ZNF814: variants seen among roughly 807,000 people sequenced by gnomAD.
ZNF814 encodes zinc finger protein 814.
Under a neutral mutation model 7.5 loss-of-function variants are expected in ZNF814, and 5 were observed. The ratio of observed to expected loss-of-function variants is 0.67; its 90% confidence interval spans 0.35 to 1.40. ZNF814 has a LOEUF of 1.40. Ranked by LOEUF, ZNF814 falls within the 40% of genes most tolerant of loss-of-function variation. ZNF814 has a pLI of 0.04. For missense variants in ZNF814, 962 were observed against 1,018.0 expected (o/e 0.94, Z 0.75); for synonymous variants, 315 against 340.7 (o/e 0.92, Z 0.83).
In ZNF814 at chr19:57,871,297, G is replaced by A. The variant is rs1355435401; in HGVS notation, c.*1525C>T. On this transcript the variant is annotated 3_prime_UTR_variant, in exon 3 of 3. Transcript: ENST00000435989. ...CTGACCTATGAACCCACAAATTTTA[G>A]TATCCGTGCTACAGATAAAGACCAC... is the stretch of plus-strand genomic sequence containing the variant. 4 of 152,164 alleles carry A rather than the reference G, an allele frequency of 2.6e-5. No individual in the cohort carries two copies. Among genetic ancestry groups the A allele is most frequent in the Non-Finnish European group, 4.4e-5 (3 of 68,052 alleles). 9.4% of individuals were successfully genotyped at this position (152,164 alleles called of 1,614,324 possible).
At chr19:57,903,329 A>G in the ZNF814 span, among the ~76,000 whole-genome samples, 1 of 152,212 alleles carries the variant, frequency 6.6e-6, no homozygotes, top group African/African-American at 2.4e-5. Context: ...AAAGAATTCT[A>G]TGAAATTATG....
chr19:57,878,461 CTTTT>C (rs1004059214), intron 1 of ZNF814, among the ~76,000 whole-genome samples: 4 of 138,282 alleles, frequency 2.9e-5, no homozygotes, highest in South Asian at 2.3e-4. Context: ...GATACATTAC[CTTTT>C]TTTTTTTTTT....
At position 57,873,369 on chromosome 19, in the gene ZNF814, T is replaced by G; in HGVS notation, c.2021A>C (p.Asn674Thr). 5.0e-6 allele frequency: 8 copies of G among 1,602,590 alleles called. No individual in the cohort carries two copies. The highest frequency in any genetic ancestry group is 6.8e-6 in the Non-Finnish European group (8 of 1,174,278). Residue 674 changes from asparagine to threonine, a missense_variant, in exon 3 of 3, where the codon AAC becomes ACC. Transcript: ENST00000435989. ...ECGKCFSHKG[N>T]LILHQHGHTG... The stretch of plus-strand genomic sequence containing the variant: ...ATGGCCATGCTGGTGTAGAATGAGG[T>G]TACCCTTGTGACTAAAACATTTCCC...
intron 2 of ZNF814, chr19:57,876,502 A>T (rs2071608717): frequency 4.1e-6 from 1 of 246,414 alleles, no homozygotes; most frequent in Non-Finnish European, 7.7e-6. Flanking sequence ...GAGAATTTCT[A>T]AAGAAGGTCT....
chr19:57,883,838 A>C (rs79688532), intron 1 of ZNF814, among the ~76,000 whole-genome samples: 1 of 151,324 alleles, frequency 6.6e-6, no homozygotes, highest in African/African-American at 2.4e-5. Flanking sequence ...GCTCACTGCA[A>C]CCTCCACCTC....
chr19:57,875,966 T>C (rs1008809693), intron 2 of ZNF814, among the ~76,000 whole-genome samples: 3 of 125,970 alleles, frequency 2.4e-5, no homozygotes, highest in African/African-American at 1.0e-4. Flanking sequence ...TTTTTTTTTT[T>C]TTTTTTTTTT....
upstream of ZNF814, among the ~76,000 whole-genome samples, chr19:57,892,715 C>T (rs1044583481): frequency 2.0e-5 from 3 of 152,236 alleles, no homozygotes; most frequent in Admixed American, 6.5e-5. Flanking sequence ...CAAGCAGCCA[C>T]CTGAACTTTT....
At chr19:57,878,948 A>G (rs955081406) in intron 1 of ZNF814, among the ~76,000 whole-genome samples, 29 of 150,522 alleles carry the variant, frequency 1.9e-4, no homozygotes, top group African/African-American at 7.0e-4. Flanking sequence ...CACACAAGGG[A>G]AAAAAATTTA....
At chr19:57,877,437 A>G (rs1042222692) in intron 1 of ZNF814, among the ~76,000 whole-genome samples, 4 of 151,936 alleles carry the variant, frequency 2.6e-5, no homozygotes, top group African/African-American at 9.7e-5. Context: ...AACTTAAAGT[A>G]TATTTTTTTG....
chr19:57,892,390 T>C (rs115650777), upstream of ZNF814, among the ~76,000 whole-genome samples: 960 of 152,300 alleles, frequency 6.3e-3, 13 homozygotes, highest in African/African-American at 0.022. Flanking sequence ...TCTCTCCTGG[T>C]TAAAGGCTCC....
chr19:57,904,367 CCT>C, the ZNF814 span, among the ~76,000 whole-genome samples: 9 of 152,252 alleles, frequency 5.9e-5, no homozygotes, highest in South Asian at 1.5e-3. Flanking sequence ...GGCGTTGGCC[CCT>C]GAGACCCACC....
the ZNF814 span, among the ~76,000 whole-genome samples, chr19:57,898,810 A>G: frequency 6.6e-6 from 1 of 152,116 alleles, no homozygotes; most frequent in East Asian, 1.9e-4. Context: ...GTGTGGCGGC[A>G]TGTGCCTGTA....
chr19:57,893,496 G>A (rs1204502810), upstream of ZNF814, among the ~76,000 whole-genome samples: 4 of 151,836 alleles, frequency 2.6e-5, no homozygotes, highest in Non-Finnish European at 5.9e-5. Context: ...CAGTCAGTTG[G>A]CTGGGTGTGG....
Position 57,873,030 on chromosome 19 carries a change from A to T in ZNF814, c.2360T>A (p.Phe787Tyr). ...CGKSFAESSSFTKHKRVHTGE... is the reference protein window; with the variant it reads ...CGKSFAESSSYTKHKRVHTGE... ...AGTGTGAACTCTTTTGTGTTTTGTG[A>T]AACTGGAGCTTTCAGCGAAAGATTT... The change falls in exon 3 of 3, where the codon TTC becomes TAC. Residue 787 changes from phenylalanine (F) to tyrosine (Y), a missense_variant. Around this residue, in one of 7 missense-constraint regions of ZNF814, gnomAD observed 665 missense variants for 551.4 expected, o/e 1.21. Coordinates refer to ENST00000435989, the MANE Select transcript of ZNF814 (RefSeq NM_001144989.2). 6.2e-7 allele frequency: 1 copy of T among 1,613,818 alleles called. No individual in the cohort carries two copies.
upstream of ZNF814, among the ~76,000 whole-genome samples, chr19:57,890,910 C>A (rs2071731146): frequency 6.6e-6 from 1 of 152,176 alleles, no homozygotes; most frequent in Non-Finnish European, 1.5e-5. Context: ...AACAGAGCAA[C>A]TCCGTCTTGA....
intron 1 of ZNF814, among the ~76,000 whole-genome samples, chr19:57,883,047 G>A (rs2071660671): frequency 6.6e-6 from 1 of 152,178 alleles, no homozygotes. Flanking sequence ...GATAAATTTG[G>A]CAAAGAAATT....
Position 57,872,778 on chromosome 19 carries a change from T to C in ZNF814, c.*44A>G. ...CCAGTGTGAACTCTCTGGTGTGCAA[T>C]GAGGTGGTCCTTCTTGCTAAAAACT... On this transcript the variant is annotated 3_prime_UTR_variant, in exon 3 of 3. Transcript: ENST00000435989. The C allele has an allele frequency of 6.2e-7, 1 of 1,606,790 alleles. No individual in the cohort carries two copies. Among genetic ancestry groups the C allele is most frequent in the Non-Finnish European group, 8.5e-7 (1 of 1,176,070 alleles).
intron 1 of ZNF814, among the ~76,000 whole-genome samples, chr19:57,888,186 A>T (rs1217205654): frequency 6.6e-6 from 1 of 152,214 alleles, no homozygotes; most frequent in African/African-American, 2.4e-5. Flanking sequence ...TTACATGTTA[A>T]GTATACTATT....
chr19:57,889,731 A>G (rs1046224436), upstream of ZNF814, among the ~76,000 whole-genome samples: 2 of 151,906 alleles, frequency 1.3e-5, no homozygotes, highest in Non-Finnish European at 2.9e-5. Context: ...CCACATGGTG[A>G]CATGCGCCTG....
Sources: allele counts gnomAD v4.1 joint callset (sites outside exome capture counted in the v4.1 genomes callset), GRCh38; gene constraint gnomAD v4.1.1; regional missense constraint gnomAD v4.1.1; transcripts MANE v1.5; gene names NCBI Gene and HGNC (gene_info 2026-07-23, HGNC 2026-07-21).